The following UIMC1 variants were observed in gnomAD, a reference collection of about 807,000 sequenced individuals.
The protein encoded by UIMC1 is ubiquitin interaction motif containing 1, also known as BRCA1-A complex subunit RAP80.
In UIMC1, 42 loss-of-function variants were observed where a neutral mutation model predicts 84.9. The observed-to-expected ratio is 0.49, with a 90% CI of 0.39 to 0.64. UIMC1 has a LOEUF of 0.64. UIMC1 is among the 30% of genes least tolerant of loss of function. The probability of loss-of-function intolerance (pLI) is 0.00; values close to 1 mark genes in which losing one functional copy is unlikely to be tolerated. For synonymous variants in UIMC1, 281 were observed against 293.0 expected (o/e 0.96, Z 0.42); for missense variants, 825 against 847.6 (o/e 0.97, Z 0.33).
At chr5:177,004,702 T>C (rs987669672) in intron 1 of UIMC1, among the ~76,000 whole-genome samples, 3 of 152,200 alleles carry the variant, frequency 2.0e-5, no homozygotes, top group Admixed American at 6.5e-5. Flanking sequence ...TTGAAAATCC[T>C]CAATTTCAGA....
At chr5:176,977,686 G>C (rs10476208) in intron 2 of UIMC1, among the ~76,000 whole-genome samples, 1 of 151,554 alleles carries the variant, frequency 6.6e-6, no homozygotes, top group African/African-American at 2.4e-5. Flanking sequence ...AAGCTGGGTG[G>C]ATCACCTGAG....
chr5:176,965,895 T>C (rs1768222538), intron 6 of UIMC1, among the ~76,000 whole-genome samples: 1 of 152,192 alleles, frequency 6.6e-6, no homozygotes, highest in Non-Finnish European at 1.5e-5. Context: ...TTACAATAAA[T>C]CATTAAGTGT....
At chr5:176,946,505 C>G (rs1581484413) in intron 9 of UIMC1, among the ~76,000 whole-genome samples, 1 of 151,564 alleles carries the variant, frequency 6.6e-6, no homozygotes, top group East Asian at 2.0e-4. Context: ...GAGCAAAACT[C>G]TGCCTCCAAA....
chr5:176,905,395 C>T lies in UIMC1; in HGVS notation c.2047G>A (p.Val683Ile), dbSNP rs1324151642. 1.2e-6 allele frequency: 2 copies of T among 1,613,998 alleles called. No individual in the cohort carries two copies. Among genetic ancestry groups the T allele is most frequent in the African/African-American group, 1.3e-5 (1 of 74,892 alleles). Residue 683 changes from valine (V) to isoleucine (I), a missense_variant, in exon 15 of 15, where the codon GTT (valine) becomes ATT (isoleucine). Val to Ile is a conservative substitution (Grantham distance 29). Coordinates refer to ENST00000511320, the MANE Select transcript of UIMC1 (RefSeq NM_001199298.2). ...CAATCTGTGGCTTCTGAAATGGAAA[C>T]AAAAGACTTGACGGGAGATTCATTT... ...DLNESPVKSF[V>I]SISEATDCLV...
At chr5:176,917,775 T>C (rs1761199125) in intron 10 of UIMC1, among the ~76,000 whole-genome samples, 1 of 152,118 alleles carries the variant, frequency 6.6e-6, no homozygotes, top group Non-Finnish European at 1.5e-5. Flanking sequence ...GCCTGACCAA[T>C]ATGGTGAAAC....
intron 9 of UIMC1, among the ~76,000 whole-genome samples, chr5:176,944,880 C>CT: frequency 6.6e-6 from 1 of 152,192 alleles, no homozygotes; most frequent in Non-Finnish European, 1.5e-5. Context: ...TGGTTGAGTT[C>CT]TTACACTATG....
chr5:176,974,003 G>A (rs533034683), intron 3 of UIMC1, among the ~76,000 whole-genome samples: 77 of 152,314 alleles, frequency 5.1e-4, no homozygotes, highest in African/African-American at 1.8e-3. Flanking sequence ...TGAGGCTACA[G>A]TGCTGCAGTC....
At chr5:176,921,916 C>T (rs1761756554) in intron 10 of UIMC1, among the ~76,000 whole-genome samples, 1 of 152,174 alleles carries the variant, frequency 6.6e-6, no homozygotes, top group African/African-American at 2.4e-5. Context: ...GATCTGACCA[C>T]TGTTTATTTC....
chr5:176,982,377 T>G (rs1489646564), intron 2 of UIMC1, 92 bp downstream of exon 2: 3 of 1,438,208 alleles, frequency 2.1e-6, no homozygotes, highest in Non-Finnish European at 2.8e-6. Flanking sequence ...GAGCTGGCAT[T>G]AAGGTGAAGT....
At chr5:176,926,106 G>A (rs1262757687) in intron 10 of UIMC1, among the ~76,000 whole-genome samples, 2 of 151,776 alleles carry the variant, frequency 1.3e-5, no homozygotes, top group East Asian at 1.9e-4. Flanking sequence ...ATAAAATAAC[G>A]GAGGGAAAAA....
In UIMC1 at chr5:176,911,108, GAGAGAAGAAAAGAA is replaced by G. The variant is rs1419284466; in HGVS notation, c.1676+189_1676+202del. 7.0e-4 allele frequency among the ~76,000 whole-genome samples: 78 copies of G among 111,370 alleles called. 2 individuals are homozygous for G. The highest frequency in any genetic ancestry group is 2.4e-3 in the African/African-American group (72 of 29,788). 73.1% of individuals were successfully genotyped at this position (111,370 alleles called of 152,430 possible). Reference sequence around the variant, plus strand: ...TCATCTCAAAAAAAAAAAAGAGAGAGAGAGAAGAAAAGAAAAGAAAAGAAAAGAAAAGAAAAGAA... The same window carrying G: ...TCATCTCAAAAAAAAAAAAGAGAGAGAAGAAAAGAAAAGAAAAGAAAAGAA... On this transcript the variant is annotated intron_variant, in intron 11 of 14. Transcript: ENST00000511320.
chr5:177,014,060 T>TTC (rs200653285), intron 1 of UIMC1, among the ~76,000 whole-genome samples: 83 of 142,982 alleles, frequency 5.8e-4, no homozygotes, highest in African/African-American at 1.3e-3. Flanking sequence ...TTCTTTTCTT[T>TTC]TTTTTTTTTT....
intron 9 of UIMC1, among the ~76,000 whole-genome samples, chr5:176,944,676 G>C (rs1764864152): frequency 6.6e-6 from 1 of 152,200 alleles, no homozygotes; most frequent in South Asian, 2.1e-4. Flanking sequence ...AGTCAACTGG[G>C]TCTTTTGGGG....
intron 6 of UIMC1, among the ~76,000 whole-genome samples, chr5:176,963,532 A>T (rs1767861503): frequency 2.0e-5 from 3 of 151,984 alleles, no homozygotes; most frequent in Non-Finnish European, 4.4e-5. Flanking sequence ...AAAAAAAAAA[A>T]AAAAAAAGTG....
upstream of UIMC1, among the ~76,000 whole-genome samples, chr5:177,009,863 C>T (rs942703643): frequency 1.3e-5 from 2 of 152,096 alleles, no homozygotes; most frequent in Admixed American, 6.6e-5. The surrounding 1 kb of genome is among the most constrained non-coding windows in gnomAD (Gnocchi z 4.3). Flanking sequence ...GGCGAAACCC[C>T]GTCTCTACTA....
At chr5:176,944,554 G>C (rs1286634065) in intron 9 of UIMC1, among the ~76,000 whole-genome samples, 2 of 152,098 alleles carry the variant, frequency 1.3e-5, no homozygotes, top group African/African-American at 2.4e-5. Context: ...TTAAAGCAAG[G>C]GACACCCGGG....
intron 10 of UIMC1, among the ~76,000 whole-genome samples, chr5:176,941,824 GA>G (rs1764474105): frequency 6.6e-6 from 1 of 151,788 alleles, no homozygotes; most frequent in African/African-American, 2.4e-5. Flanking sequence ...TATGCTGTCT[GA>G]AAAGTAGGGA....
intron 10 of UIMC1, among the ~76,000 whole-genome samples, chr5:176,932,468 T>A (rs1763218583): frequency 6.6e-6 from 1 of 152,164 alleles, no homozygotes; most frequent in African/African-American, 2.4e-5. Context: ...TATGATGTAA[T>A]ACGGGGGGGC....
In UIMC1 at chr5:176,919,704, A is replaced by G. The variant is rs376579052; in HGVS notation, c.1598-8315T>C. Among the ~76,000 whole-genome samples the G allele has an allele frequency of 2.0e-4, 31 of 152,306 alleles. No homozygotes were observed. In the East Asian group the frequency reaches 6.0e-3, roughly 29 times the overall value. On this transcript the variant is annotated intron_variant, in intron 10 of 14. Transcript: ENST00000511320. The stretch of plus-strand genomic sequence containing the variant: ...AGTGGTCCAACTTCATGGTTTTGCA[A>G]GTGGATATTCAGTTGTCCCAGCACT...
Sources: gnomAD v4.1 joint callset for allele counts (sites outside exome capture counted in the v4.1 genomes callset) on GRCh38, gnomAD v4.1.1 for gene constraint, Gnocchi (gnomAD v3.1) non-coding constraint, MANE v1.5 for transcripts, NCBI Gene and HGNC (gene_info 2026-07-23, HGNC 2026-07-21) for gene names.